LRP2: variants seen among roughly 807,000 people sequenced by gnomAD.
LRP2 encodes low-density lipoprotein receptor-related protein 2.
A neutral mutation model predicts 531.0 loss-of-function variants in LRP2; 172 were observed. The ratio of observed to expected loss-of-function variants is 0.32; its 90% CI spans 0.29 to 0.37. LRP2 has a LOEUF of 0.37. Among genes scored for constraint, LRP2 ranks in the 10% least tolerant of loss-of-function variants. The pLI, the probability that LRP2 is intolerant of heterozygous loss-of-function variation, is 1.00. For missense variants in LRP2, 5,167 were observed against 5,868.3 expected (o/e 0.88, Z 3.90); for synonymous variants, 1,992 against 2,027.6 (o/e 0.98, Z 0.47).
chr2:169,293,480 A>G (rs1684053905), intron 6 of LRP2, among the ~76,000 whole-genome samples: 1 of 152,206 alleles, frequency 6.6e-6, no homozygotes, highest in Admixed American at 6.5e-5. Context: ...GTTCGAGACC[A>G]GCCTGGCCAA....
At chr2:169,265,625 A>G (rs1690767768) in intron 16 of LRP2, among the ~76,000 whole-genome samples, 1 of 152,092 alleles carries the variant, frequency 6.6e-6, no homozygotes, top group South Asian at 2.1e-4. Flanking sequence ...ATGTCTTCAA[A>G]TTCCAGGTTT....
rs1379312126 is a variant in LRP2, at chr2:169,209,602, C to G, written c.6320G>C (p.Gly2107Ala). The change falls in exon 38 of 79, where the codon GGC (glycine) becomes GCC (alanine). Residue 2107 changes from glycine to alanine, a missense_variant. Gly to Ala is a moderately conservative substitution (Grantham distance 60). Transcript: ENST00000649046. ...GCTAAAATCACACCAATAAATAAAGCCAGAGGACACATCCACATCCACATG... is the reference window on the plus strand; with the variant it reads ...GCTAAAATCACACCAATAAATAAAGGCAGAGGACACATCCACATCCACATG... ...ALHVDVDVSSGFIYWCDFSSS... is the reference protein window; with the variant it reads ...ALHVDVDVSSAFIYWCDFSSS... 3 of 1,614,018 alleles carry G rather than the reference C, an allele frequency of 1.9e-6. No individual in the cohort carries two copies. The South Asian group carries it at 3.3e-5, about 18-fold the overall frequency.
At chr2:169,318,218 G>T (rs187785412) in intron 3 of LRP2, among the ~76,000 whole-genome samples, 2 of 151,906 alleles carry the variant, frequency 1.3e-5, no homozygotes, top group South Asian at 2.1e-4. Context: ...CAATGTCCAG[G>T]GATGCCGCAG....
Position 169,206,736 on chromosome 2 carries a change from G to T in LRP2, c.6984C>A (p.Ile2328=), listed in dbSNP as rs2105333255. The T allele has an allele frequency of 6.2e-7, 1 of 1,614,178 alleles. No homozygotes were observed. The highest frequency in any genetic ancestry group is 2.2e-5 in the East Asian group (1 of 44,868). ...DNINWLRDVT[I]FDKQVQPRSP... ...ACCGGGGCTGGACTTGCTTGTCAAA[G>T]ATGGTCACATCTCTTAGCCAGTTGA... The change falls in exon 39 of 79, where the codon ATC becomes ATA. Residue 2328 remains isoleucine, a synonymous_variant. Coordinates refer to ENST00000649046, the MANE Select transcript of LRP2 (RefSeq NM_004525.3).
intron 1 of LRP2, among the ~76,000 whole-genome samples, chr2:169,353,323 T>C (rs1685903252): frequency 6.6e-6 from 1 of 152,124 alleles, no homozygotes; most frequent in African/African-American, 2.4e-5. Flanking sequence ...CTGGCAGCCA[T>C]ATCAGAATCA....
intron 13 of LRP2, 51 bp from the exon 14 acceptor site, chr2:169,275,289 T>A (rs1367527698): frequency 2.1e-6 from 3 of 1,451,178 alleles, no homozygotes; most frequent in Middle Eastern, 3.5e-4. Flanking sequence ...TTTGCTTTAT[T>A]ATAATTAAAG....
At position 169,128,016 on chromosome 2, in the gene LRP2, G is replaced by C. The variant is rs1338382579; in HGVS notation, c.*647C>G. 1.3e-5 allele frequency: 2 copies of C among 152,758 alleles called. No individual in the cohort carries two copies. The highest frequency in any genetic ancestry group is 2.9e-5 in the Non-Finnish European group (2 of 68,180). 9.5% of individuals were successfully genotyped at this position (152,758 alleles called of 1,614,324 possible). A position where few individuals can be genotyped will look rare whatever the true frequency, so the allele number is the denominator to read the frequency against. On this transcript the variant is annotated 3_prime_UTR_variant, in exon 79 of 79. Coordinates refer to ENST00000649046, the MANE Select transcript of LRP2 (RefSeq NM_004525.3). ...CTAGTGAGAGAACACACATGAAACA[G>C]AGAGTTCTGGTTAGACAATGCCAAC... is the stretch of plus-strand genomic sequence containing the variant.
rs911856094 is a variant in LRP2, at chr2:169,235,386, T to C, written c.4920+454A>G. On this transcript the variant is annotated intron_variant, in intron 29 of 78. Transcript: ENST00000649046. ...TCCCGAATAGCTGAGACTATAGGTG[T>C]GTGCTACCACACTGGCTAATTTTTG... Among the ~76,000 whole-genome samples, 7 of 152,156 alleles carry C rather than the reference T, an allele frequency of 4.6e-5. No individual in the cohort carries two copies. The East Asian group carries it at 7.7e-4, about 17-fold the overall frequency.
chr2:169,350,406 A>C (rs1168379409), intron 1 of LRP2, among the ~76,000 whole-genome samples: 2 of 152,132 alleles, frequency 1.3e-5, no homozygotes, highest in African/African-American at 4.8e-5. Context: ...CAGCATGTAC[A>C]TGGTAAAGAA....
Position 169,138,616 on chromosome 2 carries a change from A to G in LRP2, c.13479T>C (p.Gly4493=), listed in dbSNP as rs1455338091. The G allele has an allele frequency of 1.2e-6, 2 of 1,613,896 alleles. No homozygotes were observed. Among genetic ancestry groups the G allele is most frequent in the Non-Finnish European group, 1.7e-6 (2 of 1,179,954 alleles). Residue 4493 remains glycine (G), a synonymous_variant, in exon 75 of 79, where the codon GGT becomes GGC. Transcript: ENST00000649046. The part of the protein sequence containing the change: ...ADLNMDIGVS[G]FGPETAIDRS... ...TGTCAATAGCAGTCTCAGGTCCAAA[A>G]CCAGACACTCCAATATCCATGTTAA...
At chr2:169,279,317 A>C in intron 12 of LRP2, 55 bp downstream of exon 12, 3 of 1,284,432 alleles carry the variant, frequency 2.3e-6, no homozygotes, top group Non-Finnish European at 3.4e-6. Flanking sequence ...CAGTGTATAG[A>C]GGGAGAGAGA....
chr2:169,262,467 C>T (rs1690600443), intron 16 of LRP2, among the ~76,000 whole-genome samples: 1 of 135,188 alleles, frequency 7.4e-6, no homozygotes, highest in Non-Finnish European at 1.6e-5. Flanking sequence ...AAACAGAGAG[C>T]CAAATCATGA....
At chr2:169,153,094 T>C (rs1210301048) in intron 66 of LRP2, 130 bp from the exon 67 acceptor site, 2 of 843,466 alleles carry the variant, frequency 2.4e-6, no homozygotes, top group African/African-American at 3.3e-5. Context: ...TGTTATAATA[T>C]GAATAATTCA....
chr2:169,306,340 C>T (rs865818929), intron 4 of LRP2, among the ~76,000 whole-genome samples: 4 of 152,030 alleles, frequency 2.6e-5, no homozygotes, highest in Non-Finnish European at 4.4e-5. Flanking sequence ...TCAACACCAG[C>T]CTGACCAACA....
intron 56 of LRP2, 38 bp from the exon 57 acceptor site, chr2:169,173,262 T>C: frequency 6.2e-7 from 1 of 1,613,214 alleles, no homozygotes; most frequent in Non-Finnish European, 8.5e-7. Flanking sequence ...GAACTGAAGG[T>C]ACAAGAAAGC....
intron 1 of LRP2, among the ~76,000 whole-genome samples, chr2:169,352,523 T>A (rs554904511): frequency 1.3e-5 from 2 of 152,180 alleles, no homozygotes; most frequent in African/African-American, 4.8e-5. Flanking sequence ...GGTACCTAGA[T>A]CACACGTTCC....
chr2:169,157,230 G>A (rs2105362730), intron 64 of LRP2, 141 bp downstream of exon 64: 1 of 898,292 alleles, frequency 1.1e-6, no homozygotes, highest in Non-Finnish European at 1.7e-6. Flanking sequence ...TTCTTGAGTA[G>A]TTTAATGACC....
intron 4 of LRP2, among the ~76,000 whole-genome samples, chr2:169,306,699 G>A (rs1366116108): frequency 1.1e-5 from 1 of 94,784 alleles, no homozygotes; most frequent in Admixed American, 1.3e-4. Flanking sequence ...TTACTTACCT[G>A]TTACTAGATA....
chr2:169,180,577 G>A (rs1476141386), intron 52 of LRP2, among the ~76,000 whole-genome samples: 3 of 152,192 alleles, frequency 2.0e-5, no homozygotes, highest in Non-Finnish European at 4.4e-5. Context: ...TTTTTCAGTG[G>A]CATGTCCCCA....
Sources: allele counts gnomAD v4.1 joint callset (sites outside exome capture counted in the v4.1 genomes callset), GRCh38; gene constraint gnomAD v4.1.1; transcripts MANE v1.5; gene names NCBI Gene and HGNC (gene_info 2026-07-23, HGNC 2026-07-21).